Variants in WDFY4 observed in about 807,000 individuals in gnomAD.
WDFY4 encodes WDFY family member 4.
In WDFY4, 169 loss-of-function variants were observed where a neutral mutation model predicts 351.9. The observed-to-expected ratio is 0.48, with a 90% CI of 0.42 to 0.55. The LOEUF (loss-of-function observed/expected upper bound fraction) is 0.55, where lower values mean the gene tolerates loss of function less well. WDFY4 is among the 20% of genes least tolerant of loss of function. WDFY4 has a pLI of 0.00. For missense variants in WDFY4, 3,803 were observed against 3,935.6 expected, an observed-to-expected ratio of 0.97 and a Z score of 0.90; for synonymous variants, 1,622 against 1,574.6, an observed-to-expected ratio of 1.03 and a Z score of -0.71.
chr10:48,755,170 T>C (rs997544543), intron 12 of WDFY4, among the ~76,000 whole-genome samples: 2 of 152,194 alleles, frequency 1.3e-5, no homozygotes, highest in Non-Finnish European at 2.9e-5. Context: ...CATGGAAGCA[T>C]ACATGTGTAA....
Position 48,760,381 on chromosome 10 carries a change from G to A in WDFY4, c.2494G>A (p.Gly832Arg), listed in dbSNP as rs1335946412. ...DEGDAAIMHP[G>R]VVCIMVRLLP... ...GGGAGATGCTGCAATCATGCATCCC[G>A]GGGTCGTGTGCATCATGGTGAGGCT... is the stretch of plus-strand genomic sequence containing the variant. Residue 832 changes from glycine (G) to arginine (R), a missense_variant, in exon 13 of 62, where the codon GGG becomes AGG. This residue lies in a region of WDFY4 where 3,054 missense variants were observed against 3,148.6 expected (regional missense o/e 0.97). Transcript: ENST00000325239. 3.2e-6 allele frequency: 5 copies of A among 1,551,510 alleles called. No individual in the cohort carries two copies. The highest frequency in any genetic ancestry group is 1.7e-4 in the Middle Eastern group (1 of 5,982).
chr10:48,859,194 A>G (rs1589762931), intron 39 of WDFY4, among the ~76,000 whole-genome samples: 1 of 152,132 alleles, frequency 6.6e-6, no homozygotes, highest in African/African-American at 2.4e-5. Context: ...ATTTCTTTTC[A>G]ATCTGTATGG....
intron 47 of WDFY4, among the ~76,000 whole-genome samples, chr10:48,929,586 G>A (rs1281192811): frequency 6.6e-6 from 1 of 152,178 alleles, no homozygotes; most frequent in Admixed American, 6.5e-5. Context: ...CACTCTCCTG[G>A]TAAGCCCACC....
chr10:48,966,828 G>A (rs1164106943), intron 55 of WDFY4, 155 bp downstream of exon 55: 1 of 1,074,186 alleles, frequency 9.3e-7, no homozygotes, highest in African/African-American at 1.6e-5. Flanking sequence ...ATTCTAGGGG[G>A]GTGTCATCTC....
intron 61 of WDFY4, 150 bp downstream of exon 61, chr10:48,981,628 G>T (rs1842809639): frequency 2.9e-6 from 2 of 699,022 alleles, no homozygotes; most frequent in Non-Finnish European, 4.7e-6. Flanking sequence ...AGCAGCCCGT[G>T]TGGCCATATA....
chr10:48,727,224 T>G (rs1024358587), intron 6 of WDFY4, among the ~76,000 whole-genome samples: 6 of 152,190 alleles, frequency 3.9e-5, no homozygotes, highest in Non-Finnish European at 1.5e-5. Flanking sequence ...TGCTGAGAAT[T>G]AGGGACAGAG....
chr10:48,802,234 G>A (rs1430818124), intron 24 of WDFY4, among the ~76,000 whole-genome samples: 1 of 152,138 alleles, frequency 6.6e-6, no homozygotes, highest in Admixed American at 6.5e-5. Context: ...CAATTAGCTA[G>A]GCATGGTGGT....
intron 39 of WDFY4, among the ~76,000 whole-genome samples, chr10:48,850,899 A>G (rs761451398): frequency 3.3e-5 from 5 of 152,360 alleles, no homozygotes; most frequent in Non-Finnish European, 5.9e-5. Flanking sequence ...AGGCCTGGAA[A>G]TATTTGACAA....
intron 13 of WDFY4, 87 bp downstream of exon 13, chr10:48,760,527 T>C: frequency 7.4e-7 from 1 of 1,358,626 alleles, no homozygotes; most frequent in Non-Finnish European, 1.0e-6. Context: ...TTTTTTCCTT[T>C]TGTCCGTGTC....
intron 39 of WDFY4, among the ~76,000 whole-genome samples, chr10:48,866,356 G>A (rs1448983784): frequency 2.0e-5 from 3 of 151,802 alleles, no homozygotes; most frequent in Admixed American, 2.0e-4. Flanking sequence ...TTAGGAATGT[G>A]CTTTTAAATC....
At chr10:48,915,985 A>G (rs893551612) in intron 47 of WDFY4, among the ~76,000 whole-genome samples, 1 of 152,240 alleles carries the variant, frequency 6.6e-6, no homozygotes, top group Non-Finnish European at 1.5e-5. Flanking sequence ...AACAGCTTAA[A>G]AAACAAAGTG....
At chr10:48,738,433 A>C (rs1192566537) in intron 11 of WDFY4, among the ~76,000 whole-genome samples, 1 of 152,218 alleles carries the variant, frequency 6.6e-6, no homozygotes. Flanking sequence ...TGGTGAGCTT[A>C]TTTAATGAAG....
chr10:48,720,316 G>A (rs1565126483), intron 3 of WDFY4, among the ~76,000 whole-genome samples, 191 bp downstream of exon 3: 2 of 152,090 alleles, frequency 1.3e-5, no homozygotes, highest in African/African-American at 2.4e-5. Flanking sequence ...AAGAGGGGTC[G>A]GGGAGCCCTG....
chr10:48,760,045 G>A (rs113016467), intron 12 of WDFY4, among the ~76,000 whole-genome samples: 3,471 of 152,116 alleles, frequency 0.023, 137 homozygotes, highest in African/African-American at 0.079. Flanking sequence ...AATCTCCAAC[G>A]TATCTGGAGG....
Position 48,775,308 on chromosome 10 carries a change from C to T in WDFY4, c.2769-404C>T, listed in dbSNP as rs1589576779. Reference sequence around the variant, plus strand: ...GCCATGCACAGAGCGGGGGGCCCTGCTGCTTATACACAGGAGCAAGTGTAG... The same window carrying T: ...GCCATGCACAGAGCGGGGGGCCCTGTTGCTTATACACAGGAGCAAGTGTAG... On this transcript the variant is annotated intron_variant, in intron 14 of 61. Coordinates refer to ENST00000325239, the MANE Select transcript of WDFY4 (RefSeq NM_001394531.1). Among the ~76,000 whole-genome samples, 5 of 152,310 alleles carry T rather than the reference C, an allele frequency of 3.3e-5. No individual in the cohort carries two copies. The South Asian group carries it at 1.0e-3, about 32-fold the overall frequency.
intron 44 of WDFY4, among the ~76,000 whole-genome samples, chr10:48,895,839 G>C (rs1214901626): frequency 6.6e-6 from 1 of 152,150 alleles, no homozygotes; most frequent in East Asian, 1.9e-4. Flanking sequence ...AACTCTCCAA[G>C]GGGCCTCATC....
At chr10:48,726,234 G>A (rs562035662) in intron 6 of WDFY4, among the ~76,000 whole-genome samples, 164 bp downstream of exon 6, 5 of 152,282 alleles carry the variant, frequency 3.3e-5, no homozygotes, top group East Asian at 1.9e-4. Flanking sequence ...AGCCATGTCC[G>A]GTAGATAATT....
At chr10:48,962,472 T>C (rs1266493832) in intron 53 of WDFY4, among the ~76,000 whole-genome samples, 1 of 152,124 alleles carries the variant, frequency 6.6e-6, no homozygotes, top group African/African-American at 2.4e-5. Context: ...TTCTATTCAG[T>C]AGAAACAGGT....
Position 48,805,344 on chromosome 10 carries a change from C to G in WDFY4, c.4569C>G (p.Ile1523Met), listed in dbSNP as rs1415628158. The G allele has an allele frequency of 1.3e-6, 2 of 1,549,308 alleles. No individual in the cohort carries two copies. Among genetic ancestry groups the G allele is most frequent in the East Asian group, 4.9e-5 (2 of 40,912 alleles). Reference protein sequence around the residue: ...LIFLFNEPSLIPSKISTIIGI... With the variant: ...LIFLFNEPSLMPSKISTIIGI... ...TCCTATTCAATGAGCCGAGCCTCAT[C>G]CCCTCCAAGATCTCCACCATCATTG... The change falls in exon 26 of 62, where the codon ATC (isoleucine) becomes ATG (methionine). Residue 1523 changes from isoleucine (I) to methionine (M), a missense_variant. By Grantham distance (10) the Ile-to-Met change is conservative. This residue lies in a region of WDFY4 where 3,054 missense variants were observed against 3,148.6 expected (regional missense o/e 0.97). Coordinates refer to ENST00000325239, the MANE Select transcript of WDFY4 (RefSeq NM_001394531.1).
Sources: allele counts gnomAD v4.1 joint callset (sites outside exome capture counted in the v4.1 genomes callset), GRCh38; gene constraint gnomAD v4.1.1; regional missense constraint gnomAD v4.1.1; transcripts MANE v1.5; gene names NCBI Gene and HGNC (gene_info 2026-07-23, HGNC 2026-07-21).